DMD: variants seen among roughly 807,000 people sequenced by gnomAD.
The protein encoded by DMD is dystrophin, also known as mutant dystrophin.
A neutral mutation model predicts 330.1 loss-of-function variants in DMD; 63 were observed. The ratio of observed to expected loss-of-function variants is 0.19; its 90% CI spans 0.16 to 0.24. DMD has a LOEUF of 0.24. Among genes scored for constraint, DMD ranks in the 10% least tolerant of loss-of-function variants. The pLI, the probability that DMD is intolerant of heterozygous loss-of-function variation, is 1.00. For synonymous variants in DMD, 1,223 were observed against 959.8 expected (o/e 1.27, Z -5.07); for missense variants, 3,344 against 2,684.1 (o/e 1.25, Z -5.43).
intron 67 of DMD, among the ~76,000 whole-genome samples, chrX:31,195,318 C>T (rs1569449382): frequency 1.8e-5 from 2 of 111,650 alleles, no homozygotes; most frequent in South Asian, 3.8e-4. Context: ...AACCAATTAA[C>T]GCCATGGCCC....
intron 12 of DMD, among the ~76,000 whole-genome samples, chrX:32,600,504 G>T (rs868542104): frequency 1.1e-5 from 1 of 94,282 alleles, no homozygotes; most frequent in African/African-American, 4.0e-5. Flanking sequence ...TATATGTAAA[G>T]TTTTTTTTTT....
At chrX:33,236,869 T>C (rs2052493157) in intron 1 of DMD, among the ~76,000 whole-genome samples, 1 of 111,457 alleles carries the variant, frequency 9.0e-6, no homozygotes, top group Non-Finnish European at 1.9e-5. Context: ...CAGTTACATG[T>C]ATTTGTAATA....
chrX:31,901,101 G>A (rs766996962), intron 47 of DMD, among the ~76,000 whole-genome samples: 5 of 111,252 alleles, frequency 4.5e-5, no homozygotes, highest in African/African-American at 6.5e-5. Context: ...ATAATGTATC[G>A]GATCACTTTA....
At chrX:31,312,650 A>G (rs755171740) in intron 62 of DMD, among the ~76,000 whole-genome samples, 1 of 112,714 alleles carries the variant, frequency 8.9e-6, no homozygotes, top group Admixed American at 9.3e-5. Flanking sequence ...ATAAAGACAC[A>G]TGCATATGTA....
intron 44 of DMD, among the ~76,000 whole-genome samples, chrX:32,201,510 T>C: frequency 1.1e-5 from 1 of 89,040 alleles, no homozygotes; most frequent in Non-Finnish European, 2.1e-5. Context: ...TTAGATTACC[T>C]CCTGGAAAGT....
intron 2 of DMD, among the ~76,000 whole-genome samples, chrX:32,850,558 G>C (rs1400811676): frequency 8.9e-6 from 1 of 111,939 alleles, no homozygotes; most frequent in Non-Finnish European, 1.9e-5. Context: ...AGTATCTCAT[G>C]TAAGATGAGT....
At chrX:31,466,092 A>G (rs60065537) in intron 59 of DMD, among the ~76,000 whole-genome samples, 122 of 112,179 alleles carry the variant, frequency 1.1e-3, no homozygotes, top group African/African-American at 3.9e-3. Context: ...TTGTCAGATG[A>G]ATAGATGGCA....
intron 1 of DMD, among the ~76,000 whole-genome samples, chrX:33,242,291 C>A (rs1341812814): frequency 1.8e-5 from 2 of 111,080 alleles, no homozygotes; most frequent in Non-Finnish European, 3.8e-5. Flanking sequence ...CCCCAAAGTC[C>A]ATTGTATTAT....
At chrX:32,104,997 T>G (rs2096557866) in intron 44 of DMD, among the ~76,000 whole-genome samples, 1 of 112,299 alleles carries the variant, frequency 8.9e-6, no homozygotes, top group African/African-American at 3.2e-5. Flanking sequence ...CGCTTTGTGT[T>G]TATATGTTAA....
rs748441239 is a variant in DMD, at chrX:32,084,162, TAA to T, written c.6439-115650_6439-115649del. Among the ~76,000 whole-genome samples the T allele has an allele frequency of 1.9e-3, 211 of 111,988 alleles. 1 individual carries two copies. The highest frequency in any genetic ancestry group is 6.6e-3 in the African/African-American group (204 of 30,838). On this transcript the variant is annotated intron_variant, in intron 44 of 78. Coordinates refer to ENST00000357033, the MANE Select transcript of DMD (RefSeq NM_004006.3). ...TCCTCACACACTCACCTTAGGTAAG[TAA>T]AAAAGCTTTAGAGCTTGAGTTAGTA...
intron 49 of DMD, among the ~76,000 whole-genome samples, chrX:31,826,430 G>C (rs984105420): frequency 7.1e-5 from 8 of 112,366 alleles, no homozygotes; most frequent in Non-Finnish European, 1.5e-4. Context: ...TTTTTCAAGA[G>C]TTTGGTGTAC....
At chrX:31,967,332 G>C (rs1280805737) in intron 45 of DMD, among the ~76,000 whole-genome samples, 1 of 104,941 alleles carries the variant, frequency 9.5e-6, no homozygotes, top group African/African-American at 3.5e-5. Context: ...GTGTGTGTGT[G>C]TGTGTGTGTG....
At chrX:31,621,182 T>C (rs958525026) in intron 55 of DMD, among the ~76,000 whole-genome samples, 1 of 111,801 alleles carries the variant, frequency 8.9e-6, no homozygotes, top group Non-Finnish European at 1.9e-5. Context: ...TCATGCCAAG[T>C]GGTAAGCAGG....
intron 13 of DMD, among the ~76,000 whole-genome samples, chrX:32,591,975 A>C (rs1379001855): frequency 8.9e-6 from 1 of 112,636 alleles, no homozygotes. Flanking sequence ...CAGTGCTGGC[A>C]TGCCAGCCCC....
In DMD at chrX:32,545,329, T is replaced by C. The variant is rs1289591017; in HGVS notation, c.1998A>G (p.Ser666=). Reference sequence around the variant, plus strand: ...ATGGCTGAGTGGTGGTGACAGCCTGTGAAATCTGTGAGAAGTATTGAAACA... The same window carrying C: ...ATGGCTGAGTGGTGGTGACAGCCTGCGAAATCTGTGAGAAGTATTGAAACA... ...QKLEKSTAQI[S]QAVTTTQPSL... Residue 666 remains serine, a synonymous_variant, in exon 17 of 79, where the codon TCA becomes TCG. Transcript: ENST00000357033. 1 of 1,209,557 alleles carries C rather than the reference T, an allele frequency of 8.3e-7. No individual in the cohort carries two copies. Among genetic ancestry groups the C allele is most frequent in the Non-Finnish European group, 1.1e-6 (1 of 893,886 alleles).
At chrX:32,638,516 A>G (rs1166028222) in intron 11 of DMD, among the ~76,000 whole-genome samples, 1 of 111,955 alleles carries the variant, frequency 8.9e-6, no homozygotes, top group Admixed American at 9.5e-5. Flanking sequence ...GAGAGCTGAG[A>G]GTCTGCATTT....
chrX:32,943,906 T>C (rs1354769840), intron 2 of DMD, among the ~76,000 whole-genome samples: 1 of 112,120 alleles, frequency 8.9e-6, no homozygotes, highest in Non-Finnish European at 1.9e-5. Context: ...GGTACATGTG[T>C]AATTTTGTTA....
chrX:33,318,450 AT>A lies in DMD; in HGVS notation c.7+20808del, dbSNP rs1366438601. 7.1e-3 allele frequency among the ~76,000 whole-genome samples: 691 copies of A among 97,372 alleles called. 4 individuals carry two copies. Among genetic ancestry groups the A allele is most frequent in the African/African-American group, 0.02 (549 of 26,964 alleles). The allele number at this position is 97,372 out of a possible 115,157, so 84.6% of individuals were successfully genotyped here. A position where few individuals can be genotyped will look rare whatever the true frequency, so the allele number is the denominator to read the frequency against. ...GTTTACACATTTAATTACTCAGTGT[AT>A]TTTTTTTTTTTTTCGAGACAGAGTC... On this transcript the variant is annotated intron_variant, in intron 1 of 17. Coordinates refer to the DMD transcript ENST00000288447.
intron 50 of DMD, among the ~76,000 whole-genome samples, chrX:31,778,034 C>T (rs781563169): frequency 1.8e-5 from 2 of 112,115 alleles, no homozygotes; most frequent in African/African-American, 3.2e-5. Context: ...TCCTTTCATA[C>T]GCTTTCTATA....
Sources: gnomAD v4.1 joint callset for allele counts (sites outside exome capture counted in the v4.1 genomes callset) on GRCh38, gnomAD v4.1.1 for gene constraint, MANE v1.5 for transcripts, NCBI Gene and HGNC (gene_info 2026-07-23, HGNC 2026-07-21) for gene names.